Variants in ADGB observed in about 807,000 individuals in gnomAD.
The protein encoded by ADGB is androglobin.
Under a neutral mutation model 210.5 loss-of-function variants are expected in ADGB, and 172 were observed. That is an observed-to-expected ratio of 0.82 (90% CI 0.72 to 0.93). The LOEUF (loss-of-function observed/expected upper bound fraction) is 0.93. Ranked by LOEUF, ADGB falls within the 40% of genes least tolerant of loss-of-function variation. ADGB has a pLI of 0.00. For synonymous variants in ADGB, 658 were observed against 662.7 expected (o/e 0.99, Z 0.11); for missense variants, 2,025 against 1,964.8 (o/e 1.03, Z -0.58).
intron 2 of ADGB, among the ~76,000 whole-genome samples, chr6:146,636,209 A>G (rs1000431674): frequency 2.0e-5 from 3 of 152,070 alleles, no homozygotes; most frequent in Admixed American, 6.6e-5. Context: ...GGGTGCAACA[A>G]TTCATTTAAA....
At chr6:146,679,487 G>C (rs924362799) in intron 9 of ADGB, among the ~76,000 whole-genome samples, 2 of 152,106 alleles carry the variant, frequency 1.3e-5, no homozygotes, top group Admixed American at 6.6e-5. Flanking sequence ...AAACAAAATA[G>C]CAGGGGACAC....
At chr6:146,653,925 CACCA>C (rs1344670243) in intron 3 of ADGB, among the ~76,000 whole-genome samples, 7 of 152,108 alleles carry the variant, frequency 4.6e-5, no homozygotes, top group Non-Finnish European at 8.8e-5. Flanking sequence ...CTATTTCCAG[CACCA>C]ACCAATTTAT....
chr6:146,612,849 T>C (rs1021575981), intron 1 of ADGB, among the ~76,000 whole-genome samples: 6 of 152,160 alleles, frequency 3.9e-5, no homozygotes, highest in African/African-American at 1.2e-4. Context: ...ACCTACTCTC[T>C]ACATCAACTA....
chr6:146,800,125 A>T (rs1778105152), intron 33 of ADGB, among the ~76,000 whole-genome samples: 1 of 126,938 alleles, frequency 7.9e-6, no homozygotes. Flanking sequence ...TGCTCTTAAA[A>T]ATAAACTTTT....
intron 29 of ADGB, among the ~76,000 whole-genome samples, chr6:146,771,104 C>T (rs1777644966): frequency 6.6e-6 from 1 of 151,926 alleles, no homozygotes; most frequent in Non-Finnish European, 1.5e-5. Context: ...CCTTGCAGGC[C>T]ACGTCTCAAG....
intron 10 of ADGB, among the ~76,000 whole-genome samples, chr6:146,686,197 C>T (rs1202727454): frequency 6.6e-6 from 1 of 152,146 alleles, no homozygotes; most frequent in East Asian, 1.9e-4. Flanking sequence ...AAATAGGCCA[C>T]ATGCGTTTTC....
Position 146,752,568 on chromosome 6 carries a change from T to C in ADGB, c.3404T>C (p.Ile1135Thr). 6.5e-7 allele frequency: 1 copy of C among 1,550,020 alleles called. No individual in the cohort carries two copies. The change falls in exon 27 of 36, where the codon ATA (isoleucine) becomes ACA (threonine). Residue 1135 changes from isoleucine (I) to threonine (T), a missense_variant. Ile to Thr is a moderately conservative substitution (Grantham distance 89). Coordinates refer to ENST00000397944, the MANE Select transcript of ADGB (RefSeq NM_024694.4). ...VKVLTPQPAT[I>T]QVRTSKPDAF... The stretch of plus-strand genomic sequence containing the variant: ...GTTCTAACACCACAACCTGCTACAA[T>C]ACAGGTACGCACATCCAAACCAGAT...
intron 13 of ADGB, among the ~76,000 whole-genome samples, chr6:146,708,842 C>A (rs1776616451): frequency 6.6e-6 from 1 of 152,104 alleles, no homozygotes; most frequent in Admixed American, 6.5e-5. Context: ...TCCTATCACT[C>A]AAATATTTGC....
Position 146,598,990 on chromosome 6 carries a change from G to A in ADGB, c.-51G>A, listed in dbSNP as rs1025622665. 2.7e-6 allele frequency: 4 copies of A among 1,497,378 alleles called. No individual in the cohort carries two copies. The African/African-American group carries it at 4.2e-5, about 16-fold the overall frequency. 92.8% of individuals were successfully genotyped at this position (1,497,378 alleles called of 1,614,324 possible). On this transcript the variant is annotated 5_prime_UTR_variant, in exon 1 of 36. Transcript: ENST00000397944. ...GCAACGCAGACGCGGAGCCGAGCGC[G>A]CCCGCAGGCTCTTTGCTCAGAGCTC...
intron 13 of ADGB, among the ~76,000 whole-genome samples, chr6:146,702,277 G>A (rs1466835352): frequency 6.6e-6 from 1 of 151,870 alleles, no homozygotes; most frequent in Admixed American, 6.6e-5. Context: ...AACACCAAGA[G>A]TTTTCTTTAT....
chr6:146,632,311 C>A (rs1278287455), intron 1 of ADGB, among the ~76,000 whole-genome samples: 1 of 152,126 alleles, frequency 6.6e-6, no homozygotes, highest in African/African-American at 2.4e-5. Flanking sequence ...GCAATTTTCC[C>A]TTTTTGCTTT....
In ADGB at chr6:146,639,813, T is replaced by A. The variant is rs146722891; in HGVS notation, c.237+4276T>A. 1.3e-4 allele frequency: 19 copies of A among 151,924 alleles called. 1 individual carries two copies. Among genetic ancestry groups the A allele is most frequent in the African/African-American group, 4.3e-4 (18 of 41,492 alleles). 9.4% of individuals were successfully genotyped at this position (151,924 alleles called of 1,614,324 possible). ...CATGGCACACAAATTCGTGAAGAGG[T>A]CCGTAATTTTAATTAAAAATCTAAC... On this transcript the variant is annotated intron_variant, in intron 2 of 35. Coordinates refer to ENST00000397944, the MANE Select transcript of ADGB (RefSeq NM_024694.4).
intron 13 of ADGB, among the ~76,000 whole-genome samples, chr6:146,709,266 G>C (rs1776622879): frequency 6.6e-6 from 1 of 152,092 alleles, no homozygotes. Flanking sequence ...TTTTGGTGGG[G>C]TCATGTTTCC....
chr6:146,647,088 C>CAAAAA (rs780260770), intron 3 of ADGB, among the ~76,000 whole-genome samples: 9 of 110,810 alleles, frequency 8.1e-5, no homozygotes, highest in Admixed American at 1.8e-4. Context: ...GAGCCTGTCT[C>CAAAAA]AAAAAAAAAC....
At chr6:146,695,599 T>A (rs1160057232) in intron 12 of ADGB, among the ~76,000 whole-genome samples, 2 of 151,876 alleles carry the variant, frequency 1.3e-5, no homozygotes, top group African/African-American at 4.8e-5. Context: ...TAAAATTTTT[T>A]AAGTTAATTA....
chr6:146,669,733 A>G (rs78133462), intron 7 of ADGB, among the ~76,000 whole-genome samples: 2,281 of 152,220 alleles, frequency 0.015, 59 homozygotes, highest in African/African-American at 0.052. Flanking sequence ...GTAACTTTAA[A>G]TAACAAACTG....
intron 5 of ADGB, 54 bp from the exon 6 acceptor site, chr6:146,664,147 G>A (rs1410829418): frequency 5.0e-5 from 73 of 1,459,220 alleles, no homozygotes; most frequent in Admixed American, 2.3e-4. Flanking sequence ...TCATTTACGA[G>A]AGAAAAGACT....
At chr6:146,783,865 C>A (rs1337485813) in intron 30 of ADGB, among the ~76,000 whole-genome samples, 4 of 152,068 alleles carry the variant, frequency 2.6e-5, no homozygotes, top group Non-Finnish European at 5.9e-5. Context: ...TGCAGGTGAT[C>A]CCATGAGACA....
chr6:146,650,755 G>T (rs1439995433), intron 3 of ADGB, among the ~76,000 whole-genome samples: 3 of 151,926 alleles, frequency 2.0e-5, no homozygotes, highest in Non-Finnish European at 4.4e-5. Flanking sequence ...CCATTTCAAA[G>T]CACCCTCAGA....
Sources: allele counts gnomAD v4.1 joint callset (sites outside exome capture counted in the v4.1 genomes callset), GRCh38; gene constraint gnomAD v4.1.1; transcripts MANE v1.5; gene names NCBI Gene and HGNC (gene_info 2026-07-23, HGNC 2026-07-21).